TRPA1: variants seen among roughly 807,000 people sequenced by gnomAD.
TRPA1 encodes ankyrin-like with transmembrane domains 1.
In TRPA1, 129 loss-of-function variants were observed where a neutral mutation model predicts 131.3. The ratio of observed to expected loss-of-function variants is 0.98; its 90% confidence interval spans 0.85 to 1.14. The LOEUF (loss-of-function observed/expected upper bound fraction) is 1.14, where lower values mean the gene tolerates loss of function less well. Among genes scored for constraint, TRPA1 ranks in the 50% most tolerant of loss-of-function variants. The pLI, the probability that TRPA1 is intolerant of heterozygous loss-of-function variation, is 0.00. For synonymous variants in TRPA1, 441 were observed against 451.7 expected, an observed-to-expected ratio of 0.98 and a Z score of 0.30; for missense variants, 1,304 against 1,354.2, an observed-to-expected ratio of 0.96 and a Z score of 0.58.
intron 19 of TRPA1, 120 bp downstream of exon 19, chr8:72,038,745 T>C: frequency 1.2e-6 from 1 of 865,492 alleles, no homozygotes; most frequent in East Asian, 2.7e-5. Context: ...TGTATACAAA[T>C]TCTTACAGGC....
At position 72,052,676 on chromosome 8, in the gene TRPA1, C is replaced by T; in HGVS notation, c.1734G>A (p.Lys578=). The part of the protein sequence containing the change: ...LSHNADIVLN[K]QQASFLHLAL... Reference sequence around the variant, plus strand: ...CAAGGTGCAAAAAGGAGGCCTGCTGCTTGTTCAGGACTATGTCAGCATTGT... The same window carrying T: ...CAAGGTGCAAAAAGGAGGCCTGCTGTTTGTTCAGGACTATGTCAGCATTGT... The change falls in exon 14 of 27, where the codon AAG becomes AAA. Residue 578 remains lysine, a synonymous_variant. Coordinates refer to ENST00000262209, the MANE Select transcript of TRPA1 (RefSeq NM_007332.3). 1 of 1,613,814 alleles carries T rather than the reference C, an allele frequency of 6.2e-7. No individual in the cohort carries two copies. Among genetic ancestry groups the T allele is most frequent in the East Asian group, 2.2e-5 (1 of 44,852 alleles).
At chr8:72,064,264 A>T (rs1347381389) in intron 4 of TRPA1, among the ~76,000 whole-genome samples, 1 of 147,834 alleles carries the variant, frequency 6.8e-6, no homozygotes, top group Non-Finnish European at 1.5e-5. Context: ...ATATATATAT[A>T]ATATATATAT....
chr8:72,038,151 TTTC>T (rs759269859), intron 19 of TRPA1, 79 bp from the exon 20 acceptor site: 14 of 782,144 alleles, frequency 1.8e-5, no homozygotes, highest in Non-Finnish European at 2.3e-5. Context: ...CACTATTAAA[TTTC>T]TTTTTTCTTT....
At chr8:72,028,874 G>C (rs1811701482) in intron 24 of TRPA1, among the ~76,000 whole-genome samples, 1 of 152,182 alleles carries the variant, frequency 6.6e-6, no homozygotes. Flanking sequence ...AAATAAAAGT[G>C]AAGAGGAGAC....
intron 1 of TRPA1, among the ~76,000 whole-genome samples, chr8:72,073,882 A>T (rs1051012811): frequency 6.6e-6 from 1 of 152,212 alleles, no homozygotes; most frequent in Non-Finnish European, 1.5e-5. Context: ...TATCATGCTA[A>T]CATTAAGAAG....
intron 21 of TRPA1, 118 bp from the exon 22 acceptor site, chr8:72,034,495 G>A (rs1811957994): frequency 1.7e-6 from 1 of 579,620 alleles, no homozygotes; most frequent in Non-Finnish European, 2.9e-6. Flanking sequence ...GATCACTGAG[G>A]CCAGTTATTT....
In TRPA1 at chr8:72,053,790, G is replaced by A. The variant is rs766128988; in HGVS notation, c.1607C>T (p.Thr536Ile). Residue 536 changes from threonine to isoleucine, a missense_variant, in exon 13 of 27, where the codon ACT (threonine) becomes ATT (isoleucine). Transcript: ENST00000262209. ...CAGGCGATCTGTGCACTTCAAATTA[G>A]TATCAAGAATGACCTTCATGGTCTG... ...YTQTMKVILDTNLKCTDRLDE... is the reference protein window; with the variant it reads ...YTQTMKVILDINLKCTDRLDE... The A allele has an allele frequency of 6.2e-7, 1 of 1,612,622 alleles. No individual in the cohort carries two copies. Among genetic ancestry groups the A allele is most frequent in the Non-Finnish European group, 8.5e-7 (1 of 1,179,824 alleles).
At chr8:72,024,351 T>C (rs1259589557) in intron 25 of TRPA1, among the ~76,000 whole-genome samples, 1 of 152,208 alleles carries the variant, frequency 6.6e-6, no homozygotes, top group African/African-American at 2.4e-5. Flanking sequence ...ACACATTTCA[T>C]TTTAATTTAG....
At chr8:72,066,727 G>GC (rs5892319) in intron 3 of TRPA1, among the ~76,000 whole-genome samples, 104,374 of 152,066 alleles carry the variant, frequency 0.69, 36,770 homozygotes, top group East Asian at 0.98. Context: ...ATGGAAAATA[G>GC]CTACCAAAGT....
intron 2 of TRPA1, 111 bp from the exon 3 acceptor site, chr8:72,069,309 C>G: frequency 9.1e-7 from 1 of 1,093,196 alleles, no homozygotes; most frequent in South Asian, 1.3e-5. Context: ...AAATCAGCTG[C>G]ATCTTTTTAT....
intron 1 of TRPA1, among the ~76,000 whole-genome samples, chr8:72,073,970 T>A (rs1015998694): frequency 6.6e-6 from 1 of 152,206 alleles, no homozygotes; most frequent in African/African-American, 2.4e-5. Context: ...TGTGTGTGAT[T>A]AACTATACAT....
At chr8:72,073,735 G>A (rs985638438) in intron 1 of TRPA1, among the ~76,000 whole-genome samples, 10 of 152,242 alleles carry the variant, frequency 6.6e-5, no homozygotes, top group African/African-American at 2.2e-4. Context: ...GGCAAATATC[G>A]CTAGAAAATA....
At chr8:72,084,003 A>G in the TRPA1 span, among the ~76,000 whole-genome samples, 1 of 152,190 alleles carries the variant, frequency 6.6e-6, no homozygotes, top group Non-Finnish European at 1.5e-5. Flanking sequence ...TGAACATATA[A>G]TCATAGTCAC....
At chr8:72,078,712 T>C (rs2129437339), upstream of TRPA1, among the ~76,000 whole-genome samples, 1 of 152,246 alleles carries the variant, frequency 6.6e-6, no homozygotes, top group South Asian at 2.1e-4. Flanking sequence ...AATGCTGCTC[T>C]GAACATTTTC....
chr8:72,046,907 CT>C (rs1439481825), intron 16 of TRPA1, among the ~76,000 whole-genome samples: 1 of 151,784 alleles, frequency 6.6e-6, no homozygotes, highest in Non-Finnish European at 1.5e-5. Context: ...GGCACAACTA[CT>C]TAAGAAAACA....
intron 4 of TRPA1, among the ~76,000 whole-genome samples, chr8:72,064,601 A>C (rs16937960): frequency 0.3 from 45,088 of 151,818 alleles, 7,042 homozygotes; most frequent in Middle Eastern, 0.44. Context: ...CTCTAAGTCC[A>C]TCTAGTAAAG....
intron 20 of TRPA1, among the ~76,000 whole-genome samples, 180 bp downstream of exon 20, chr8:72,037,803 A>C (rs1431065856): frequency 2.0e-5 from 3 of 152,064 alleles, no homozygotes; most frequent in Non-Finnish European, 4.4e-5. Flanking sequence ...CAGGGACCTT[A>C]CCTAAAATCA....
intron 17 of TRPA1, among the ~76,000 whole-genome samples, chr8:72,044,883 AT>A (rs1285581511): frequency 2.0e-5 from 3 of 151,980 alleles, no homozygotes; most frequent in Admixed American, 6.6e-5. Flanking sequence ...AAGTGAACCT[AT>A]TTTATTTAAA....
chr8:72,076,610 T>C (rs1311442590), upstream of TRPA1: 1 of 152,356 alleles, frequency 6.6e-6, no homozygotes, highest in African/African-American at 2.4e-5. Context: ...GGAACTGGCA[T>C]AGGTGCACTC....
Sources: allele counts gnomAD v4.1 joint callset (sites outside exome capture counted in the v4.1 genomes callset), GRCh38; gene constraint gnomAD v4.1.1; transcripts MANE v1.5; gene names NCBI Gene and HGNC (gene_info 2026-07-23, HGNC 2026-07-21).